TEX11: variants seen among roughly 807,000 people sequenced by gnomAD.
The protein encoded by TEX11 is testis-expressed protein 11.
A neutral mutation model predicts 84.4 loss-of-function variants in TEX11; 7 were observed. The ratio of observed to expected loss-of-function variants is 0.08; its 90% confidence interval spans 0.05 to 0.16. The LOEUF (loss-of-function observed/expected upper bound fraction) is 0.16, where lower values mean the gene tolerates loss of function less well. Ranked by LOEUF, TEX11 falls within the 10% of genes least tolerant of loss-of-function variation. The pLI, the probability that TEX11 is intolerant of heterozygous loss-of-function variation, is 1.00. For missense variants in TEX11, 551 were observed against 660.5 expected, an observed-to-expected ratio of 0.83 and a Z score of 1.82; for synonymous variants, 264 against 222.8, an observed-to-expected ratio of 1.18 and a Z score of -1.64.
At chrX:70,606,623 T>G (rs2147523600) in intron 23 of TEX11, among the ~76,000 whole-genome samples, 1 of 111,934 alleles carries the variant, frequency 8.9e-6, no homozygotes, top group Admixed American at 9.5e-5. Flanking sequence ...AATTAACAAC[T>G]ACTTAGAGTA....
At chrX:70,776,387 C>T (rs1416471554) in intron 9 of TEX11, among the ~76,000 whole-genome samples, 2 of 109,446 alleles carry the variant, frequency 1.8e-5, no homozygotes, top group Admixed American at 9.8e-5. Flanking sequence ...CATTGTGAAA[C>T]CCTGTCTCTA....
At chrX:70,743,554 T>C (rs189765004) in intron 10 of TEX11, among the ~76,000 whole-genome samples, 67 of 111,260 alleles carry the variant, frequency 6.0e-4, no homozygotes, top group Middle Eastern at 4.6e-3. Context: ...TGGGGAAAAA[T>C]CTGCAACTTC....
chrX:70,740,917 G>A, intron 10 of TEX11, 121 bp from the exon 11 acceptor site: 3 of 419,495 alleles, frequency 7.2e-6, no homozygotes, highest in Non-Finnish European at 8.1e-6. Context: ...TTATGAAATA[G>A]CATTTCCTTA....
rs1168310559 is a variant in TEX11 at position 70,534,090 on chromosome X, C to CA, written c.2521-4092dup. 4.8e-3 allele frequency among the ~76,000 whole-genome samples: 104 copies of CA among 21,713 alleles called. 7 individuals are homozygous for CA. The highest frequency in any genetic ancestry group is 0.016 in the East Asian group (5 of 311). The allele number at this position is 21,713 out of a possible 115,157, so 18.9% of individuals were successfully genotyped here. A position where few individuals can be genotyped will look rare whatever the true frequency, so the allele number is the denominator to read the frequency against. ...CTGGTGACAGAGCGAGACTCCATCT[C>CA]AAAAAAAAAAAAAAAAAAAAAAAAA... On this transcript the variant is annotated intron_variant, in intron 28 of 29. Transcript: ENST00000374333.
intron 25 of TEX11, 44 bp from the exon 26 acceptor site, chrX:70,554,844 T>C: frequency 9.1e-7 from 1 of 1,094,992 alleles, no homozygotes. Flanking sequence ...GATTATATTA[T>C]ATTATTCTCT....
chrX:70,716,968 G>A (rs761269186), intron 13 of TEX11, among the ~76,000 whole-genome samples: 1 of 112,449 alleles, frequency 8.9e-6, no homozygotes, highest in East Asian at 2.8e-4. Context: ...AAATGTTAAT[G>A]TCAGAGAGTA....
intron 16 of TEX11, among the ~76,000 whole-genome samples, chrX:70,660,323 G>GT (rs1349151842): frequency 1.8e-5 from 2 of 111,946 alleles, no homozygotes; most frequent in African/African-American, 6.5e-5. Context: ...GGAGTTTACT[G>GT]TAACTTTTTA....
At chrX:70,658,935 G>T (rs1452622059) in intron 16 of TEX11, among the ~76,000 whole-genome samples, 1 of 111,779 alleles carries the variant, frequency 8.9e-6, no homozygotes, top group East Asian at 2.8e-4. Context: ...TTTGACAAGG[G>T]TTCCCAAACT....
chrX:70,799,823 A>G (rs1022189402), intron 9 of TEX11, among the ~76,000 whole-genome samples: 1 of 111,548 alleles, frequency 9.0e-6, no homozygotes, highest in African/African-American at 3.3e-5. Context: ...CTCCACTTCA[A>G]TTTTTTCAGT....
chrX:70,597,748 G>T (rs1569347672), intron 24 of TEX11, among the ~76,000 whole-genome samples: 2 of 111,546 alleles, frequency 1.8e-5, no homozygotes, highest in African/African-American at 3.3e-5. Context: ...AAATAAAATG[G>T]ATATCATCAA....
Position 70,783,645 on chromosome X carries a change from T to A in TEX11, c.692+23060A>T, listed in dbSNP as rs926377379. Among the ~76,000 whole-genome samples the A allele has an allele frequency of 4.5e-5, 5 of 111,537 alleles. No individual in the cohort carries two copies. The East Asian group carries it at 1.4e-3, about 31-fold the overall frequency. ...GCTATAAAAAATGACAAAGGGGATA[T>A]CACCACTGATCCCACAGAAATACAA... is the stretch of plus-strand genomic sequence containing the variant. On this transcript the variant is annotated intron_variant, in intron 9 of 29. Coordinates refer to ENST00000374333, the MANE Select transcript of TEX11 (RefSeq NM_031276.3).
intron 2 of TEX11, among the ~76,000 whole-genome samples, chrX:70,894,275 A>G (rs2147883414): frequency 9.0e-6 from 1 of 111,256 alleles, no homozygotes; most frequent in South Asian, 3.8e-4. Flanking sequence ...ACACACGAAA[A>G]AAGAAAATTT....
intron 8 of TEX11, among the ~76,000 whole-genome samples, chrX:70,810,608 A>C (rs921897995): frequency 3.6e-5 from 4 of 110,922 alleles, no homozygotes; most frequent in African/African-American, 1.3e-4. Context: ...ACACATGGAC[A>C]CAGGGAGGGG....
chrX:70,717,309 T>C (rs1410301502), intron 13 of TEX11, among the ~76,000 whole-genome samples: 1 of 111,176 alleles, frequency 9.0e-6, no homozygotes, highest in Non-Finnish European at 1.9e-5. Flanking sequence ...CAGAACTTCA[T>C]TCACTTTCTT....
chrX:70,570,397 C>T (rs775597182), intron 25 of TEX11, among the ~76,000 whole-genome samples: 81 of 112,104 alleles, frequency 7.2e-4, no homozygotes, highest in Non-Finnish European at 1.2e-3. Context: ...AGCTCACTCA[C>T]GGTGCGCTGC....
At chrX:70,769,799 C>G (rs1012013949) in intron 9 of TEX11, among the ~76,000 whole-genome samples, 4 of 111,079 alleles carry the variant, frequency 3.6e-5, no homozygotes, top group African/African-American at 1.3e-4. Flanking sequence ...AATTATTTTC[C>G]GTATTGAAAA....
chrX:70,659,667 C>T (rs754173939), intron 16 of TEX11, among the ~76,000 whole-genome samples: 2 of 111,826 alleles, frequency 1.8e-5, no homozygotes, highest in African/African-American at 6.5e-5. Context: ...ATGTTAAATA[C>T]AGAATTACCA....
chrX:70,830,372 A>G (rs1318115302), intron 8 of TEX11, among the ~76,000 whole-genome samples: 4 of 111,663 alleles, frequency 3.6e-5, no homozygotes, highest in African/African-American at 1.3e-4. Flanking sequence ...ATATAAAGCA[A>G]TTATTAGAGG....
At chrX:70,694,882 A>G (rs995166596) in intron 13 of TEX11, among the ~76,000 whole-genome samples, 27 of 111,065 alleles carry the variant, frequency 2.4e-4, no homozygotes, top group African/African-American at 8.9e-4. Flanking sequence ...CTGGCTTTAT[A>G]ACAACCCACT....
Sources: allele counts gnomAD v4.1 joint callset (sites outside exome capture counted in the v4.1 genomes callset), GRCh38; gene constraint gnomAD v4.1.1; transcripts MANE v1.5; gene names NCBI Gene and HGNC (gene_info 2026-07-23, HGNC 2026-07-21).